The following STK32C variants were observed in gnomAD, a reference collection of about 807,000 sequenced individuals.
The protein encoded by STK32C is serine/threonine-protein kinase 32C.
Under a neutral mutation model 56.5 loss-of-function variants are expected in STK32C, and 31 were observed. That is an observed-to-expected ratio of 0.55 (90% CI 0.41 to 0.74). The LOEUF (loss-of-function observed/expected upper bound fraction) is 0.74, where lower values mean the gene tolerates loss of function less well. Among genes scored for constraint, STK32C ranks in the 30% least tolerant of loss-of-function variants. The probability of loss-of-function intolerance (pLI) is 0.00; values close to 1 mark genes in which losing one functional copy is unlikely to be tolerated. For synonymous variants in STK32C, 309 were observed against 289.4 expected, an observed-to-expected ratio of 1.07 and a Z score of -0.69; for missense variants, 544 against 676.9, an observed-to-expected ratio of 0.80 and a Z score of 2.18.
At chr10:132,291,264 C>T (rs1198480850) in intron 1 of STK32C, among the ~76,000 whole-genome samples, 3 of 152,220 alleles carry the variant, frequency 2.0e-5, no homozygotes. Context: ...TTCCTGCGAT[C>T]CACTGCACTG....
At chr10:132,331,820 C>G (rs2066765575) in exon 1 of STK32C, 2 of 1,553,170 alleles carry the variant, frequency 1.3e-6, no homozygotes, top group African/African-American at 1.4e-5. Flanking sequence ...ACCACCACCC[C>G]TTCAAGGCCG....
intron 1 of STK32C, among the ~76,000 whole-genome samples, chr10:132,313,253 G>A (rs1482953499): frequency 2.0e-5 from 3 of 152,188 alleles, no homozygotes; most frequent in Non-Finnish European, 4.4e-5. Flanking sequence ...GCCATGCCGA[G>A]TGACGGTTAA....
intron 1 of STK32C, among the ~76,000 whole-genome samples, chr10:132,250,708 T>A (rs1471204519): frequency 3.3e-5 from 5 of 152,162 alleles, no homozygotes; most frequent in Admixed American, 2.0e-4. Flanking sequence ...GACAGGTCAT[T>A]GCAGAGAGGA....
chr10:132,319,850 T>A (rs2138455984), downstream of STK32C, among the ~76,000 whole-genome samples: 1 of 152,204 alleles, frequency 6.6e-6, no homozygotes, highest in Admixed American at 6.5e-5. Context: ...TATTGAGGCA[T>A]AATTTACATA....
At chr10:132,240,791 G>A (rs1161852052) in intron 2 of STK32C, among the ~76,000 whole-genome samples, 1 of 152,028 alleles carries the variant, frequency 6.6e-6, no homozygotes, top group Non-Finnish European at 1.5e-5. Context: ...GAGAGGAGAG[G>A]GCAGAGACCC....
chr10:132,275,659 C>T (rs1449797566), intron 1 of STK32C, among the ~76,000 whole-genome samples: 8 of 152,336 alleles, frequency 5.3e-5, no homozygotes, highest in South Asian at 2.1e-4. Context: ...AGCCACCCAC[C>T]GTCACTGACG....
Position 132,297,201 on chromosome 10 carries a change from C to T in STK32C, c.262+10371G>A, listed in dbSNP as rs556075219. Among the ~76,000 whole-genome samples the T allele has an allele frequency of 1.8e-4, 27 of 152,328 alleles. No individual in the cohort carries two copies. In the South Asian group the frequency reaches 4.6e-3, roughly 26 times the overall value. ...CAGGACCCAATGACAGAGGACTCCCCTCCTGCTTGGCTCCCACCCCACACC... is the reference window on the plus strand; with the variant it reads ...CAGGACCCAATGACAGAGGACTCCCTTCCTGCTTGGCTCCCACCCCACACC... On this transcript the variant is annotated intron_variant, in intron 1 of 11. Coordinates refer to ENST00000298630, the MANE Select transcript of STK32C (RefSeq NM_173575.4).
At chr10:132,219,793 G>GC (rs1470042155) in intron 10 of STK32C, among the ~76,000 whole-genome samples, 1 of 152,086 alleles carries the variant, frequency 6.6e-6, no homozygotes, top group Non-Finnish European at 1.5e-5. Flanking sequence ...CCCCACCCCT[G>GC]CCCCCCACAT....
In STK32C at chr10:132,239,296, C is replaced by T. The variant is rs186170498; in HGVS notation, c.318+6604G>A. On this transcript the variant is annotated intron_variant, in intron 2 of 11. Coordinates refer to ENST00000298630, the MANE Select transcript of STK32C (RefSeq NM_173575.4). Reference sequence around the variant, plus strand: ...GTCCCCACAGGAGAGCAGGTCAGCTCAACCCAGTAAACATTCTCTGGACCC... The same window carrying T: ...GTCCCCACAGGAGAGCAGGTCAGCTTAACCCAGTAAACATTCTCTGGACCC... Among the ~76,000 whole-genome samples the T allele has an allele frequency of 1.8e-3, 277 of 152,318 alleles. 1 individual carries two copies. The highest frequency in any genetic ancestry group is 2.9e-3 in the South Asian group (14 of 4,824).
intron 1 of STK32C, among the ~76,000 whole-genome samples, chr10:132,299,771 G>A (rs895226354): frequency 6.6e-6 from 1 of 152,214 alleles, no homozygotes; most frequent in African/African-American, 2.4e-5. Context: ...GTGGAACAAT[G>A]TGTCCCCTGG....
chr10:132,316,051 AG>A (rs1281171884), intron 1 of STK32C, among the ~76,000 whole-genome samples: 18 of 152,244 alleles, frequency 1.2e-4, no homozygotes, highest in African/African-American at 4.1e-4. Flanking sequence ...TGCCTGTATG[AG>A]AAAAATAAGA....
intron 1 of STK32C, among the ~76,000 whole-genome samples, chr10:132,265,253 G>A (rs74161752): frequency 0.049 from 7,231 of 146,680 alleles, 407 homozygotes; most frequent in African/African-American, 0.11. Context: ...TGGGGGTGCC[G>A]CAAGGGCGGC....
At chr10:132,320,680 C>T (rs969225147), downstream of STK32C, among the ~76,000 whole-genome samples, 5 of 152,154 alleles carry the variant, frequency 3.3e-5, no homozygotes, top group South Asian at 2.1e-4. Flanking sequence ...TGCTGGCGTC[C>T]GTTCAATCCT....
upstream of STK32C, among the ~76,000 whole-genome samples, chr10:132,309,001 A>G (rs901320601): frequency 2.0e-5 from 3 of 152,208 alleles, no homozygotes; most frequent in African/African-American, 7.2e-5. Flanking sequence ...CCCTGTAACC[A>G]GGACACAAAG....
intron 10 of STK32C, among the ~76,000 whole-genome samples, chr10:132,217,421 G>A (rs754851311): frequency 5.6e-4 from 85 of 152,212 alleles, no homozygotes; most frequent in Non-Finnish European, 1.0e-3. Flanking sequence ...ATAGGCAGAA[G>A]GGACTTACCT....
chr10:132,224,916 G>A (rs1040167857), intron 7 of STK32C, among the ~76,000 whole-genome samples: 1 of 152,196 alleles, frequency 6.6e-6, no homozygotes, highest in Admixed American at 6.5e-5. Context: ...AAGAGCACAG[G>A]GCCCCAAAAG....
intron 1 of STK32C, among the ~76,000 whole-genome samples, chr10:132,246,157 G>T (rs1189250778): frequency 6.6e-6 from 1 of 152,244 alleles, no homozygotes; most frequent in Non-Finnish European, 1.5e-5. Flanking sequence ...CATGGGCCTT[G>T]GGTCTTGCAC....
chr10:132,238,614 G>A (rs1455376745), intron 2 of STK32C, among the ~76,000 whole-genome samples: 1 of 152,166 alleles, frequency 6.6e-6, no homozygotes, highest in African/African-American at 2.4e-5. Context: ...GGAAAGCATA[G>A]AGCAGACGGC....
At chr10:132,331,779 C>G in exon 1 of STK32C, 4 of 1,608,582 alleles carry the variant, frequency 2.5e-6, no homozygotes, top group Admixed American at 1.7e-5. Flanking sequence ...GGTCGCCCCT[C>G]CAGACCCTCG....
Sources: allele counts gnomAD v4.1 joint callset (sites outside exome capture counted in the v4.1 genomes callset), GRCh38; gene constraint gnomAD v4.1.1; transcripts MANE v1.5; gene names NCBI Gene and HGNC (gene_info 2026-07-23, HGNC 2026-07-21).